Variants in TAB3 observed in about 807,000 individuals in gnomAD.
TAB3 encodes the protein TGF-beta activated kinase 1 (MAP3K7) binding protein 3.
Under a neutral mutation model 48.1 loss-of-function variants are expected in TAB3, and 18 were observed. The ratio of observed to expected loss-of-function variants is 0.37; its 90% CI spans 0.26 to 0.55. The LOEUF is 0.55. Among genes scored for constraint, TAB3 ranks in the 20% least tolerant of loss-of-function variants. TAB3 has a pLI of 0.78. For missense variants in TAB3, 414 were observed against 549.8 expected (o/e 0.75, Z 2.47); for synonymous variants, 185 against 190.2 (o/e 0.97, Z 0.22).
chrX:30,842,922 T>G, intron 9 of TAB3, 44 bp downstream of exon 9: 1 of 850,635 alleles, frequency 1.2e-6, no homozygotes, highest in Non-Finnish European at 1.7e-6. Context: ...CCAAATTATT[T>G]TGACATTTAT....
intron 7 of TAB3, 68 bp from the exon 8 acceptor site, chrX:30,846,712 C>T (rs878948745): frequency 5.1e-5 from 35 of 681,566 alleles, no homozygotes; most frequent in Admixed American, 1.9e-4. Context: ...TTAAGAACTG[C>T]GTTTCATGTT....
At chrX:30,883,502 C>T (rs968649534) in intron 1 of TAB3, among the ~76,000 whole-genome samples, 9 of 111,378 alleles carry the variant, frequency 8.1e-5, no homozygotes, top group African/African-American at 1.6e-4. Flanking sequence ...ACAGTCCATG[C>T]GCTTAACCAC....
intron 6 of TAB3, among the ~76,000 whole-genome samples, chrX:30,853,510 C>T (rs1185629408): frequency 9.1e-6 from 1 of 110,204 alleles, no homozygotes; most frequent in East Asian, 2.8e-4. Flanking sequence ...AGTCCATTCT[C>T]CATGAATCTC....
At chrX:30,839,367 A>C (rs931957227) in intron 9 of TAB3, among the ~76,000 whole-genome samples, 2 of 112,053 alleles carry the variant, frequency 1.8e-5, no homozygotes, top group African/African-American at 6.5e-5. Flanking sequence ...ATAATGTATT[A>C]TCTTTTTTTA....
rs371296444 is a variant in TAB3 at position 30,855,473 on chromosome X, A to G, written c.192T>C (p.Asn64=). Residue 64 remains asparagine, a synonymous_variant, in exon 6 of 11, where the codon AAT becomes AAC. Coordinates refer to ENST00000288422, the MANE Select transcript of TAB3 (RefSeq NM_152787.5). ...GTAAAAGGCGATTTCTATTCATCCT[A>G]TTGTCATCTGGACTATGGTATTCCA... ...LYMEYHSPDD[N]RMNRNRLLHI... 3 of 1,211,126 alleles carry G rather than the reference A, an allele frequency of 2.5e-6. No homozygotes were observed. Among genetic ancestry groups the G allele is most frequent in the Admixed American group, 2.2e-5 (1 of 46,016 alleles).
At chrX:30,859,146 A>C (rs1939168324) in intron 5 of TAB3, among the ~76,000 whole-genome samples, 1 of 111,597 alleles carries the variant, frequency 9.0e-6, no homozygotes, top group Admixed American at 9.5e-5. Flanking sequence ...TGTGGTTCTC[A>C]ATGGTGGGAG....
At chrX:30,841,877 C>T (rs917509599) in intron 9 of TAB3, among the ~76,000 whole-genome samples, 1 of 112,056 alleles carries the variant, frequency 8.9e-6, no homozygotes, top group Non-Finnish European at 1.9e-5. Context: ...GGCGCGATCT[C>T]GGCTCACTGC....
intron 5 of TAB3, 96 bp downstream of exon 5, chrX:30,859,391 C>CACACACACACACACA (rs1555941718): frequency 2.2e-5 from 14 of 632,727 alleles, no homozygotes; most frequent in African/African-American, 6.9e-5. Context: ...CACACACACA[C>CACACACACACACACA]AAGAAAACAT....
intron 9 of TAB3, chrX:30,835,482 T>C (rs1248312590): frequency 2.7e-5 from 3 of 112,444 alleles, no homozygotes; most frequent in African/African-American, 6.5e-5. Context: ...GGTGCTCAGA[T>C]TGAGTTTGAA....
At position 30,854,231 on chromosome X, in the gene TAB3, T is replaced by C; in HGVS notation, c.1434A>G (p.Ala478=). Residue 478 remains alanine (A), a synonymous_variant, in exon 6 of 11, where the codon GCA becomes GCG. Coordinates refer to ENST00000288422, the MANE Select transcript of TAB3 (RefSeq NM_152787.5). ...LNLVDQEERS[A]APEPIQPISV... is the part of the protein sequence containing the mutation. ...AAATGGGCTGAATAGGTTCTGGTGCTGCAGAGCGCTCTTCTTGGTCCACTA... is the reference window on the plus strand; with the variant it reads ...AAATGGGCTGAATAGGTTCTGGTGCCGCAGAGCGCTCTTCTTGGTCCACTA... 8.3e-7 allele frequency: 1 copy of C among 1,211,898 alleles called. No individual in the cohort carries two copies. Among genetic ancestry groups the C allele is most frequent in the Non-Finnish European group, 1.1e-6 (1 of 895,571 alleles).
chrX:30,846,713 G>A (rs778575276), intron 7 of TAB3, 69 bp from the exon 8 acceptor site: 19 of 678,564 alleles, frequency 2.8e-5, no homozygotes, highest in East Asian at 6.7e-5. Context: ...TAAGAACTGC[G>A]TTTCATGTTA....
chrX:30,842,668 A>AT (rs751848186), intron 9 of TAB3, among the ~76,000 whole-genome samples: 9 of 108,917 alleles, frequency 8.3e-5, no homozygotes, highest in Admixed American at 2.0e-4. Flanking sequence ...AATAAAAAAA[A>AT]ATTAGCTGGG....
intron 1 of TAB3, among the ~76,000 whole-genome samples, chrX:30,873,382 G>C (rs929438868): frequency 9.2e-6 from 1 of 109,259 alleles, no homozygotes; most frequent in Non-Finnish European, 1.9e-5. Flanking sequence ...AAAATTAGCC[G>C]GGCGCAGTGG....
chrX:30,857,563 C>G (rs1939114710), intron 5 of TAB3, among the ~76,000 whole-genome samples: 2 of 110,732 alleles, frequency 1.8e-5, no homozygotes, highest in South Asian at 7.6e-4. Context: ...ATTCCATGTT[C>G]TCTACACTGA....
chrX:30,854,454 G>A lies in TAB3; in HGVS notation c.1211C>T (p.Thr404Met), dbSNP rs763580207. The A allele has an allele frequency of 2.3e-5, 28 of 1,209,663 alleles. No homozygotes were observed. Among genetic ancestry groups the A allele is most frequent in the Middle Eastern group, 4.6e-4 (2 of 4,373 alleles). ...TCTTGAAGGAGAACTTGAAGGTGGC[G>A]TGGTGGCTGTGTACAGTGAGTGTTG... is the stretch of plus-strand genomic sequence containing the variant. ...RNQHSLYTATTPPSSSPSRGI... is the reference protein window; with the variant it reads ...RNQHSLYTATMPPSSSPSRGI... The change falls in exon 6 of 11, where the codon ACG becomes ATG. Residue 404 changes from threonine to methionine, a missense_variant. By Grantham distance (81) the Thr-to-Met change is moderately conservative. Transcript: ENST00000288422.
At position 30,829,432 on chromosome X, in the gene TAB3, C is replaced by G. The variant is rs1937964622; in HGVS notation, c.*1995G>C. ...TAAAACCAAGTGGGGTTGACCATCA[C>G]TAAAGAGATATGAAACCATACAAAG... On this transcript the variant is annotated 3_prime_UTR_variant, in exon 11 of 11. Coordinates refer to ENST00000288422, the MANE Select transcript of TAB3 (RefSeq NM_152787.5). The G allele has an allele frequency of 8.9e-6, 1 of 111,826 alleles. No homozygotes were observed. Among genetic ancestry groups the G allele is most frequent in the Admixed American group, 9.6e-5 (1 of 10,446 alleles). The allele number at this position is 111,826 out of a possible 1,213,427, so 9.2% of individuals were successfully genotyped here. A position where few individuals can be genotyped will look rare whatever the true frequency, so the allele number is the denominator to read the frequency against.
chrX:30,861,273 C>T (rs1939244192), intron 4 of TAB3, among the ~76,000 whole-genome samples: 1 of 111,276 alleles, frequency 9.0e-6, no homozygotes, highest in Non-Finnish European at 1.9e-5. Flanking sequence ...AACCAGTCTA[C>T]CTAATAAGAT....
At position 30,855,184 on chromosome X, in the gene TAB3, A is replaced by G. The variant is rs1487722381; in HGVS notation, c.481T>C (p.Ser161Pro). 8.3e-7 allele frequency: 1 copy of G among 1,209,998 alleles called. No homozygotes were observed. Among genetic ancestry groups the G allele is most frequent in the African/African-American group, 1.7e-5 (1 of 57,165 alleles). Reference protein sequence around the residue: ...TPPSQPPQQPSSMQTGMNPSA... With the variant: ...TPPSQPPQQPPSMQTGMNPSA... Reference sequence around the variant, plus strand: ...GGATTCATTCCTGTTTGCATGGAAGATGGCTGTTGAGGTGGTTGTGAAGGA... The same window carrying G: ...GGATTCATTCCTGTTTGCATGGAAGGTGGCTGTTGAGGTGGTTGTGAAGGA... The change falls in exon 6 of 11, where the codon TCT becomes CCT. Residue 161 changes from serine (S) to proline (P), a missense_variant. Ser to Pro is a moderately conservative substitution (Grantham distance 74, BLOSUM62 -1). Transcript: ENST00000288422.
intron 5 of TAB3, among the ~76,000 whole-genome samples, chrX:30,857,657 A>C (rs1939118637): frequency 9.0e-6 from 1 of 111,676 alleles, no homozygotes; most frequent in African/African-American, 3.3e-5. Context: ...TATAGTGACA[A>C]GTTGAGTAAA....
Sources: gnomAD v4.1 joint callset for allele counts (sites outside exome capture counted in the v4.1 genomes callset) on GRCh38, gnomAD v4.1.1 for gene constraint, MANE v1.5 for transcripts, NCBI Gene and HGNC (gene_info 2026-07-23, HGNC 2026-07-21) for gene names.